Variants in PARP2 observed in about 807,000 individuals in gnomAD.
The protein encoded by PARP2 is poly [ADP-ribose] polymerase 2.
PARP2 carries 57 observed loss-of-function variants against 77.8 expected under a neutral mutation model. That is an observed-to-expected ratio of 0.73 (90% CI 0.59 to 0.91). The LOEUF (loss-of-function observed/expected upper bound fraction) is 0.91, where lower values mean the gene tolerates loss of function less well. PARP2 is among the 40% of genes least tolerant of loss of function. The pLI is 0.00. For synonymous variants in PARP2, 226 were observed against 242.6 expected, an observed-to-expected ratio of 0.93 and a Z score of 0.64; for missense variants, 651 against 689.0, an observed-to-expected ratio of 0.94 and a Z score of 0.62.
At chr14:20,349,149 G>A (rs1284814626) in intron 4 of PARP2, among the ~76,000 whole-genome samples, 1 of 151,946 alleles carries the variant, frequency 6.6e-6, no homozygotes, top group African/African-American at 2.4e-5. Flanking sequence ...ATCAGCCTGG[G>A]CAACATGGTG....
At chr14:20,346,321 CTTTTT>C (rs71108595) in intron 3 of PARP2, among the ~76,000 whole-genome samples, 2 of 90,852 alleles carry the variant, frequency 2.2e-5, no homozygotes, top group Admixed American at 1.4e-4. Flanking sequence ...CAGTTAGAAT[CTTTTT>C]TTTTTTTTTT....
chr14:20,343,789 C>T, intron 1 of PARP2, 102 bp downstream of exon 1: 2 of 1,246,458 alleles, frequency 1.6e-6, no homozygotes, highest in South Asian at 1.3e-5. Flanking sequence ...TCCCTATAAC[C>T]TGCACTTGGC....
In PARP2 at chr14:20,352,236, A is replaced by G. The variant is rs1231910208; in HGVS notation, c.498-9A>G. On this transcript the variant is annotated splice_polypyrimidine_tract_variant and intron_variant, in intron 6 of 15. Transcript: ENST00000429687. ...TTTGTAAAGTTTTCTTACACCTTGGACTCTACAGATTCCTTGACAAAACGA... is the reference window on the plus strand; with the variant it reads ...TTTGTAAAGTTTTCTTACACCTTGGGCTCTACAGATTCCTTGACAAAACGA... 2.0e-6 allele frequency: 3 copies of G among 1,513,012 alleles called. No homozygotes were observed. Among genetic ancestry groups the G allele is most frequent in the East Asian group, 2.3e-5 (1 of 44,338 alleles). 93.7% of individuals were successfully genotyped at this position (1,513,012 alleles called of 1,614,324 possible).
At chr14:20,348,530 G>C (rs756653940) in intron 4 of PARP2, among the ~76,000 whole-genome samples, 1 of 151,916 alleles carries the variant, frequency 6.6e-6, no homozygotes, top group East Asian at 1.9e-4. Context: ...CCCAAGCTCA[G>C]CTTTCTTTTT....
intron 4 of PARP2, among the ~76,000 whole-genome samples, chr14:20,348,896 G>A (rs1449658434): frequency 6.6e-6 from 1 of 152,016 alleles, no homozygotes; most frequent in Non-Finnish European, 1.5e-5. Flanking sequence ...GCATATGACT[G>A]TAATCCCAGC....
At chr14:20,347,371 TATATATATATATATA>T (rs1883782445) in intron 4 of PARP2, among the ~76,000 whole-genome samples, 1 of 15,436 alleles carries the variant, frequency 6.5e-5, no homozygotes, top group African/African-American at 2.2e-4. Context: ...TATATATATA[TATATATATATATATA>T]TATATATATA....
chr14:20,354,482 A>G (rs543744979), intron 8 of PARP2, among the ~76,000 whole-genome samples: 3 of 152,170 alleles, frequency 2.0e-5, no homozygotes, highest in Non-Finnish European at 4.4e-5. Flanking sequence ...GGATTGCTTG[A>G]GCCCAGGAGT....
chr14:20,350,462 A>G (rs1346607471), intron 4 of PARP2, 64 bp from the exon 5 acceptor site: 1 of 809,670 alleles, frequency 1.2e-6, no homozygotes, highest in African/African-American at 1.7e-5. Flanking sequence ...AGGATGAGTC[A>G]TTGGTTTATG....
intron 4 of PARP2, among the ~76,000 whole-genome samples, chr14:20,349,336 A>G (rs1299810180): frequency 6.6e-6 from 1 of 151,696 alleles, no homozygotes; most frequent in Non-Finnish European, 1.5e-5. Flanking sequence ...ATAAAAAATA[A>G]AAACCATAAA....
chr14:20,345,364 A>G (rs1883675730), intron 2 of PARP2, 30 bp from the exon 3 acceptor site: 5 of 1,582,188 alleles, frequency 3.2e-6, no homozygotes, highest in African/African-American at 2.7e-5. Context: ...TTTGATTCCC[A>G]TAAAGTAGTA....
Position 20,355,773 on chromosome 14 carries a change from C to T in PARP2, c.924C>T (p.Ile308=). The T allele has an allele frequency of 6.2e-7, 1 of 1,613,684 alleles. No homozygotes were observed. Among genetic ancestry groups the T allele is most frequent in the Non-Finnish European group, 8.5e-7 (1 of 1,179,628 alleles). The change falls in exon 10 of 16, where the codon ATC becomes ATT. Residue 308 remains isoleucine, a synonymous_variant. Transcript: ENST00000429687. The part of the protein sequence containing the change: ...HDFGLRTPPL[I]RTQKELSEKI... The stretch of plus-strand genomic sequence containing the variant: ...TTAGACTCCGTACTCCTCCACTAAT[C>T]CGGACACAGAAGGAACTGTCAGAAA...
chr14:20,353,135 T>G (rs1162577089), intron 7 of PARP2: 2 of 152,178 alleles, frequency 1.3e-5, no homozygotes, highest in African/African-American at 4.8e-5. Context: ...CCGCCTCAGC[T>G]TCCCAAAGTG....
intron 5 of PARP2, 147 bp from the exon 6 acceptor site, chr14:20,350,900 C>T (rs915601799): frequency 4.6e-6 from 3 of 649,524 alleles, no homozygotes; most frequent in Admixed American, 2.9e-5. Flanking sequence ...TAGCAAGTAA[C>T]TTGTATCAAC....
chr14:20,356,461 A>G (rs1884155506), intron 12 of PARP2, 27 bp downstream of exon 12: 9 of 1,614,128 alleles, frequency 5.6e-6, no homozygotes, highest in Non-Finnish European at 7.6e-6. Context: ...GCGTTTGGAA[A>G]GACACTCCTT....
At chr14:20,351,189 A>G in intron 6 of PARP2, 67 bp downstream of exon 6, 6 of 1,293,826 alleles carry the variant, frequency 4.6e-6, no homozygotes, top group Non-Finnish European at 5.5e-6. Flanking sequence ...TCTCTAAAAA[A>G]TTTTTTTTTA....
chr14:20,352,549 A>ATTTT, intron 7 of PARP2: 1 of 214,086 alleles, frequency 4.7e-6, no homozygotes. Context: ...TGCCCAGCTG[A>ATTTT]TTTTTTTTCT....
At position 20,355,952 on chromosome 14, in the gene PARP2, C is replaced by T. The variant is rs1334771782; in HGVS notation, c.1022C>T (p.Pro341Leu). ...CTGGTGAAAACAGAGCTACAAAGCC[C>T]AGAACACCCATTGGACCAACACTAT... ...IKLVKTELQS[P>L]EHPLDQHYRN... The change falls in exon 11 of 16, where the codon CCA (proline) becomes CTA (leucine). Residue 341 changes from proline (P) to leucine (L), a missense_variant. By Grantham distance (98) the Pro-to-Leu change is moderately conservative. Coordinates refer to ENST00000429687, the MANE Select transcript of PARP2 (RefSeq NM_001042618.2). The T allele has an allele frequency of 2.5e-6, 4 of 1,613,984 alleles. No homozygotes were observed. The South Asian group carries it at 4.4e-5, about 18-fold the overall frequency.
At chr14:20,344,149 A>G (rs1432613559) in intron 1 of PARP2, 1 of 162,824 alleles carries the variant, frequency 6.1e-6, no homozygotes, top group Non-Finnish European at 1.3e-5. Context: ...ATTAGGTTCT[A>G]TTGTACTTCT....
rs1243854961 is a variant in PARP2, at chr14:20,357,471, A to T, written c.1504A>T (p.Thr502Ser). Residue 502 changes from threonine (T) to serine (S), a missense_variant, in exon 15 of 16, where the codon ACC becomes TCC. Transcript: ENST00000429687. Reference protein sequence around the residue: ...AEGLLQGKHSTKGLGKMAPSS... With the variant: ...AEGLLQGKHSSKGLGKMAPSS... ...AGGATTGCTTCAAGGTAAACATAGCACCAAGGGGCTGGGCAAGATGGCTCC... is the reference window on the plus strand; with the variant it reads ...AGGATTGCTTCAAGGTAAACATAGCTCCAAGGGGCTGGGCAAGATGGCTCC... 2.5e-6 allele frequency: 4 copies of T among 1,613,964 alleles called. No individual in the cohort carries two copies. In the South Asian group the frequency reaches 3.3e-5, roughly 13 times the overall value.
Sources: allele counts gnomAD v4.1 joint callset (sites outside exome capture counted in the v4.1 genomes callset), GRCh38; gene constraint gnomAD v4.1.1; transcripts MANE v1.5; gene names NCBI Gene and HGNC (gene_info 2026-07-23, HGNC 2026-07-21).